The following FLII variants were observed in gnomAD, a reference collection of about 807,000 sequenced individuals.
FLII encodes FLII actin remodeling protein.
FLII carries 101 observed loss-of-function variants against 156.2 expected under a neutral mutation model. The ratio of observed to expected loss-of-function variants is 0.65; its 90% CI spans 0.55 to 0.76. FLII has a LOEUF of 0.76. FLII is among the 30% of genes least tolerant of loss of function. The pLI, the probability that FLII is intolerant of heterozygous loss-of-function variation, is 0.00. For missense variants in FLII, 1,675 were observed against 1,682.8 expected, an observed-to-expected ratio of 1.00 and a Z score of 0.08; for synonymous variants, 767 against 685.8, an observed-to-expected ratio of 1.12 and a Z score of -1.85.
In FLII at chr17:18,247,061, G is replaced by C; in HGVS notation, c.2677-9C>G. 1 of 1,611,878 alleles carries C rather than the reference G, an allele frequency of 6.2e-7. No individual in the cohort carries two copies. Among genetic ancestry groups the C allele is most frequent in the Non-Finnish European group, 8.5e-7 (1 of 1,179,810 alleles). On this transcript the variant is annotated splice_polypyrimidine_tract_variant and intron_variant, in intron 21 of 29. Coordinates refer to ENST00000327031, the MANE Select transcript of FLII (RefSeq NM_002018.4). ...TCCATCAGCTGCTCCGCCTGCAGGT[G>C]AGAGGGACCCGCCCCGCGGCAGGTC...
chr17:18,256,881 C>A, intron 2 of FLII, 28 bp downstream of exon 2: 1 of 1,494,022 alleles, frequency 6.7e-7, no homozygotes, highest in South Asian at 1.2e-5. Flanking sequence ...CCACAGGGAC[C>A]CTCCCCTGCC....
At position 18,251,007 on chromosome 17, in the gene FLII, T is replaced by C. The variant is rs1334721975; in HGVS notation, c.1607A>G (p.Asp536Gly). 6.2e-7 allele frequency: 1 copy of C among 1,612,852 alleles called. No individual in the cohort carries two copies. Among genetic ancestry groups the C allele is most frequent in the Admixed American group, 1.7e-5 (1 of 59,894 alleles). ...CTCCCAGTTGAGGGAGCCGCTGTCA[T>C]CCAGAAAGGTCTGGAAGCCAAGGCA... ...DCYIVLKTFL[D>G]DSGSLNWEIY... is the part of the protein sequence containing the mutation. The change falls in exon 14 of 30, where the codon GAT (aspartate) becomes GGT (glycine). Residue 536 changes from aspartate (D) to glycine (G), a missense_variant. By Grantham distance (94) the Asp-to-Gly change is moderately conservative (BLOSUM62 -1). Around this residue, in one of 2 missense-constraint regions of FLII, gnomAD observed 1,332 missense variants for 1,269.3 expected, o/e 1.05. Coordinates refer to ENST00000327031, the MANE Select transcript of FLII (RefSeq NM_002018.4).
intron 4 of FLII, 87 bp from the exon 5 acceptor site, chr17:18,254,941 T>C (rs911804906): frequency 2.2e-6 from 3 of 1,371,276 alleles, no homozygotes; most frequent in Non-Finnish European, 3.1e-6. Context: ...GGGCACTGAG[T>C]TGGGTGTGGG....
intron 1 of FLII, among the ~76,000 whole-genome samples, chr17:18,257,449 C>T (rs1014840018): frequency 6.6e-6 from 1 of 152,252 alleles, no homozygotes; most frequent in African/African-American, 2.4e-5. Context: ...TGGCAACTCA[C>T]GGCCAGGGTC....
intron 6 of FLII, 35 bp downstream of exon 6, chr17:18,254,486 G>C (rs1256399470): frequency 6.4e-7 from 1 of 1,572,676 alleles, no homozygotes; most frequent in Non-Finnish European, 8.6e-7. Context: ...CCTCAGGGTG[G>C]CTTCTGCAGG....
Position 18,252,131 on chromosome 17 carries a change from C to G in FLII, c.1114G>C (p.Glu372Gln), listed in dbSNP as rs199970501. ...GGCGGCATGACCAGGTTGGGGTTCT[C>G]CCGCACATCCAGGACCTGCCCCATA... Reference protein sequence around the residue: ...LTEIEVLDVRENPNLVMPPKP... With the variant: ...LTEIEVLDVRQNPNLVMPPKP... The change falls in exon 11 of 30, where the codon GAG becomes CAG. Residue 372 changes from glutamate to glutamine, a missense_variant. By Grantham distance (29) the Glu-to-Gln change is conservative (BLOSUM62 2). Around this residue, in one of 2 missense-constraint regions of FLII, gnomAD observed 1,332 missense variants for 1,269.3 expected, o/e 1.05. Coordinates refer to ENST00000327031, the MANE Select transcript of FLII (RefSeq NM_002018.4). 2 of 1,613,322 alleles carry G rather than the reference C, an allele frequency of 1.2e-6. No homozygotes were observed. Among genetic ancestry groups the G allele is most frequent in the Non-Finnish European group, 1.7e-6 (2 of 1,180,024 alleles).
At chr17:18,248,136 C>A (rs2142813304) in intron 18 of FLII, 103 bp from the exon 19 acceptor site, 1 of 712,952 alleles carries the variant, frequency 1.4e-6, no homozygotes, top group African/African-American at 1.8e-5. Flanking sequence ...GCGTGGCTCA[C>A]TGACTGCTTC....
At position 18,246,399 on chromosome 17, in the gene FLII, T is replaced by C; in HGVS notation, c.3115A>G (p.Ile1039Val). ...GCCTTCCTCTTGCCCCGGTGGATGA[T>C]GAACTTCCTCTTGAAATGGGACAGG... is the stretch of plus-strand genomic sequence containing the variant. Reference protein sequence around the residue: ...KFLSHFKRKFIIHRGKRKAVQ... With the variant: ...KFLSHFKRKFVIHRGKRKAVQ... The change falls in exon 24 of 30, where the codon ATC (isoleucine) becomes GTC (valine). Residue 1039 changes from isoleucine (I) to valine (V), a missense_variant. Physicochemically the swap from Ile to Val is conservative, Grantham distance 29. Coordinates refer to ENST00000327031, the MANE Select transcript of FLII (RefSeq NM_002018.4). 1 of 1,614,036 alleles carries C rather than the reference T, an allele frequency of 6.2e-7. No homozygotes were observed. The highest frequency in any genetic ancestry group is 8.5e-7 in the Non-Finnish European group (1 of 1,179,998).
rs767635985 is a variant in FLII at position 18,250,949 on chromosome 17, G to C, written c.1665C>G (p.Leu555=). ...GGATGGCAGAGCAAGCTTTCTTGTC[G>C]AGTGTGGCCTCCCCGCCAATCCAGT... ...IYYWIGGEAT[L]DKKACSAIHA... is the part of the protein sequence containing the mutation. The change falls in exon 14 of 30, where the codon CTC becomes CTG. Residue 555 remains leucine, a synonymous_variant. Transcript: ENST00000327031. The C allele has an allele frequency of 1.2e-6, 2 of 1,613,856 alleles. No homozygotes were observed. Among genetic ancestry groups the C allele is most frequent in the South Asian group, 1.1e-5 (1 of 91,084 alleles).
rs566702645 is a variant in FLII at position 18,258,191 on chromosome 17, G to A, written c.63+437C>T. Among the ~76,000 whole-genome samples the A allele has an allele frequency of 5.3e-4, 80 of 152,342 alleles. No homozygotes were observed. Among genetic ancestry groups the A allele is most frequent in the African/African-American group, 1.9e-3 (79 of 41,602 alleles). ...AGGCCCAGGATCACACAGTATGGCG[G>A]GTGGCGGTGGCGGGGAGAGGGCAGT... is the stretch of plus-strand genomic sequence containing the variant. On this transcript the variant is annotated intron_variant, in intron 1 of 29. Coordinates refer to ENST00000327031, the MANE Select transcript of FLII (RefSeq NM_002018.4). This position sits in a 1 kb window ranked among gnomAD's most constrained non-coding sequence, Gnocchi z 4.2.
chr17:18,248,978 G>A lies in FLII; in HGVS notation c.1935-95C>T, dbSNP rs1262024065. The A allele has an allele frequency of 4.2e-6, 6 of 1,417,332 alleles. No individual in the cohort carries two copies. In the African/African-American group the frequency reaches 8.5e-5, roughly 20 times the overall value. The allele number at this position is 1,417,332 out of a possible 1,614,324, so 87.8% of individuals were successfully genotyped here. A position where few individuals can be genotyped will look rare whatever the true frequency, so the allele number is the denominator to read the frequency against. On this transcript the variant is annotated intron_variant, in intron 16 of 29. Coordinates refer to ENST00000327031, the MANE Select transcript of FLII (RefSeq NM_002018.4). ...CACCAAAAAAAATCCCTCACTATGG[G>A]GTTTCTGGGTAAGCCCCAGGGACCC...
intron 16 of FLII, 101 bp from the exon 17 acceptor site, chr17:18,248,984 T>C (rs1459696632): frequency 1.2e-5 from 17 of 1,407,212 alleles, no homozygotes; most frequent in Non-Finnish European, 1.6e-5. Context: ...ATGGGGTTTC[T>C]GGGTAAGCCC....
Position 18,251,742 on chromosome 17 carries a change from G to A in FLII, c.1321C>T (p.Gln441Ter), listed in dbSNP as rs1299381960. The change falls in exon 12 of 30, where the codon CAG becomes TAG. Residue 441 changes from glutamine to a stop codon, truncating the protein, a stop_gained. Coordinates refer to ENST00000327031, the MANE Select transcript of FLII (RefSeq NM_002018.4). LOFTEE classifies it high-confidence loss of function. Reference sequence around the variant, plus strand: ...ATGCCCTTCAGCACCTGCTTGGCCTGGTCATCCTGGGCTGAATCCTTGCGC... The same window carrying A: ...ATGCCCTTCAGCACCTGCTTGGCCTAGTCATCCTGGGCTGAATCCTTGCGC... ...RRRKDSAQDDQAKQVLKGMSD... is the reference protein window; with the variant it reads ...RRRKDSAQDD 1 of 1,613,916 alleles carries A rather than the reference G, an allele frequency of 6.2e-7. No individual in the cohort carries two copies. Among genetic ancestry groups the A allele is most frequent in the Non-Finnish European group, 8.5e-7 (1 of 1,180,048 alleles).
intron 10 of FLII, 81 bp downstream of exon 10, chr17:18,252,391 G>C: frequency 7.4e-7 from 1 of 1,355,262 alleles, no homozygotes; most frequent in Non-Finnish European, 1.1e-6. Flanking sequence ...TCCCTCAGGA[G>C]GCCTCTGCTG....
chr17:18,251,500 C>A (rs372636083), intron 12 of FLII, 23 bp from the exon 13 acceptor site: 3 of 1,585,502 alleles, frequency 1.9e-6, no homozygotes, highest in Admixed American at 1.7e-5. Flanking sequence ...TCACAGAGCA[C>A]GGCTTGACTC....
chr17:18,255,119 T>A, intron 4 of FLII, 64 bp downstream of exon 4: 1 of 1,306,784 alleles, frequency 7.7e-7, no homozygotes, highest in Non-Finnish European at 1.1e-6. Context: ...CAGGGACTTT[T>A]ATAGTGAGTG....
intron 3 of FLII, among the ~76,000 whole-genome samples, chr17:18,256,323 T>C (rs1007958903): frequency 6.6e-6 from 1 of 152,262 alleles, no homozygotes; most frequent in African/African-American, 2.4e-5. Context: ...CCTGATGGAA[T>C]TCTCTGATCC....
chr17:18,253,464 G>C lies in FLII; in HGVS notation c.856-6C>G, dbSNP rs773096170. 1 of 1,613,856 alleles carries C rather than the reference G, an allele frequency of 6.2e-7. No homozygotes were observed. Among genetic ancestry groups the C allele is most frequent in the Non-Finnish European group, 8.5e-7 (1 of 1,180,040 alleles). ...CTCAGCTTGCAAATGGCTGACTGGA[G>C]GGGGAACGGGCAGGGGTGGGAGGTC... On this transcript the variant is annotated splice_region_variant and splice_polypyrimidine_tract_variant and intron_variant, in intron 8 of 29. Coordinates refer to ENST00000327031, the MANE Select transcript of FLII (RefSeq NM_002018.4).
intron 4 of FLII, 42 bp from the exon 5 acceptor site, chr17:18,254,896 C>T: frequency 6.3e-7 from 1 of 1,595,936 alleles, no homozygotes; most frequent in Non-Finnish European, 8.6e-7. Flanking sequence ...GAGTCTCCTC[C>T]CCACCAGGCG....
Sources: gnomAD v4.1 joint callset for allele counts (sites outside exome capture counted in the v4.1 genomes callset) on GRCh38, gnomAD v4.1.1 for gene constraint, gnomAD v4.1.1 regional missense constraint, Gnocchi (gnomAD v3.1) non-coding constraint, MANE v1.5 for transcripts, NCBI Gene and HGNC (gene_info 2026-07-23, HGNC 2026-07-21) for gene names.